ST6GALNAC1: variants seen among roughly 807,000 people sequenced by gnomAD.
ST6GALNAC1 encodes the protein ST6 N-acetylgalactosaminide alpha-2,6-sialyltransferase 1, also known as alpha-N-acetylgalactosaminide alpha-2,6-sialyltransferase 1.
ST6GALNAC1 carries 45 observed loss-of-function variants against 56.8 expected under a neutral mutation model. That is an observed-to-expected ratio of 0.79 (90% confidence interval 0.62 to 1.02). The LOEUF is 1.02. ST6GALNAC1 is among the 50% of genes least tolerant of loss of function. The pLI, the probability that ST6GALNAC1 is intolerant of heterozygous loss-of-function variation, is 0.00. For synonymous variants in ST6GALNAC1, 295 were observed against 297.8 expected, an observed-to-expected ratio of 0.99 and a Z score of 0.10; for missense variants, 743 against 754.8, an observed-to-expected ratio of 0.98 and a Z score of 0.18.
At chr17:76,630,586 C>CT (rs201145440) in intron 1 of ST6GALNAC1, among the ~76,000 whole-genome samples, 1,399 of 137,378 alleles carry the variant, frequency 0.01, 35 homozygotes, top group African/African-American at 0.029. Flanking sequence ...TGAAACCCTT[C>CT]TTTTTTTTTT....
chr17:76,638,479 C>T lies in ST6GALNAC1; in HGVS notation c.131+5029G>A, dbSNP rs751782150. 1.6e-4 allele frequency among the ~76,000 whole-genome samples: 24 copies of T among 151,930 alleles called. 1 individual carries two copies. Among genetic ancestry groups the T allele is most frequent in the Admixed American group, 1.5e-3 (23 of 15,268 alleles). On this transcript the variant is annotated intron_variant, in intron 1 of 8. Transcript: ENST00000156626. ...GCAACCTCTGCCTCCCGAGTTCAAG[C>T]GATTCTCCTGTGATAAAAGCGATAA...
chr17:76,618,019 G>A, the ST6GALNAC1 span, among the ~76,000 whole-genome samples: 1 of 152,186 alleles, frequency 6.6e-6, no homozygotes, highest in Non-Finnish European at 1.5e-5. Context: ...AGGCAAGAGT[G>A]GCTTGTTCCA....
chr17:76,621,694 C>G (rs1382094080), downstream of ST6GALNAC1, among the ~76,000 whole-genome samples: 1 of 151,994 alleles, frequency 6.6e-6, no homozygotes, highest in Non-Finnish European at 1.5e-5. Context: ...AGGCTAGTCT[C>G]GAACTCCTGA....
downstream of ST6GALNAC1, among the ~76,000 whole-genome samples, chr17:76,619,964 G>A (rs186144626): frequency 2.7e-3 from 416 of 151,992 alleles, 8 homozygotes; most frequent in Middle Eastern, 0.024. Context: ...GGCTGGTCTC[G>A]AACTCCTGAC....
At chr17:76,637,237 T>C (rs1598305665) in intron 1 of ST6GALNAC1, among the ~76,000 whole-genome samples, 1 of 93,960 alleles carries the variant, frequency 1.1e-5, no homozygotes, top group African/African-American at 4.3e-5. Flanking sequence ...CAAATCCCCC[T>C]CTCCGAGAAA....
chr17:76,633,431 AC>A (rs1422659924), intron 1 of ST6GALNAC1, among the ~76,000 whole-genome samples: 4 of 152,156 alleles, frequency 2.6e-5, no homozygotes, highest in Non-Finnish European at 5.9e-5. Flanking sequence ...AATCGCTTGA[AC>A]CTGGAAGGCG....
Position 76,626,302 on chromosome 17 carries a change from G to C in ST6GALNAC1, c.1402C>G (p.Leu468Val), listed in dbSNP as rs749372087. 6.2e-7 allele frequency: 1 copy of C among 1,614,136 alleles called. No individual in the cohort carries two copies. The highest frequency in any genetic ancestry group is 2.2e-5 in the East Asian group (1 of 44,880). The change falls in exon 6 of 9, where the codon CTT becomes GTT. Residue 468 changes from leucine (L) to valine (V), a missense_variant. Leu to Val is a conservative substitution (Grantham distance 32). Coordinates refer to ENST00000156626, the MANE Select transcript of ST6GALNAC1 (RefSeq NM_018414.5). Reference sequence around the variant, plus strand: ...GACAGTGGGTACCTGAACCAGAAAAGGTTTTTTGACATCACCGTCTGATTC... The same window carrying C: ...GACAGTGGGTACCTGAACCAGAAAACGTTTTTTGACATCACCGTCTGATTC... ...LMNQTVMSKNLFWFRHRPQEA... is the reference protein window; with the variant it reads ...LMNQTVMSKNVFWFRHRPQEA...
chr17:76,619,755 T>G, the ST6GALNAC1 span, among the ~76,000 whole-genome samples: 2 of 148,398 alleles, frequency 1.3e-5, no homozygotes, highest in African/African-American at 5.0e-5. Flanking sequence ...TTTTTTTTTT[T>G]TTTTTTTTTA....
intron 1 of ST6GALNAC1, among the ~76,000 whole-genome samples, chr17:76,631,067 G>C (rs1161553157): frequency 1.7e-4 from 1 of 5,958 alleles, no homozygotes; most frequent in Non-Finnish European, 3.6e-4. Flanking sequence ...GCTAATCTCT[G>C]TGTGTGTGTG....
At chr17:76,624,320 G>A (rs2075768570), downstream of ST6GALNAC1, among the ~76,000 whole-genome samples, 1 of 151,924 alleles carries the variant, frequency 6.6e-6, no homozygotes, top group African/African-American at 2.4e-5. Flanking sequence ...GTGTAATCTT[G>A]GCTCACTGCA....
In ST6GALNAC1 at chr17:76,629,711, C is replaced by T; in HGVS notation, c.132G>A (p.Arg44=). ...FIKEPQTKPS[R]HQRTENIKER... is the part of the protein sequence containing the mutation. ...CTTTAATGTTCTCTGTGCGTTGATG[C>T]CTAGGGACAGAGATAACCTTTGATG... Residue 44 remains arginine (R), a splice_region_variant and synonymous_variant, in exon 2 of 9, where the codon AGG becomes AGA. Transcript: ENST00000156626. 6.2e-7 allele frequency: 1 copy of T among 1,609,876 alleles called. No homozygotes were observed. The highest frequency in any genetic ancestry group is 8.5e-7 in the Non-Finnish European group (1 of 1,177,354).
At chr17:76,626,984 A>G in intron 4 of ST6GALNAC1, 83 bp downstream of exon 4, 1 of 1,466,188 alleles carries the variant, frequency 6.8e-7, no homozygotes, top group Non-Finnish European at 9.1e-7. Context: ...ATGTCTGCAG[A>G]AGAGGGGCAA....
downstream of ST6GALNAC1, among the ~76,000 whole-genome samples, chr17:76,620,393 A>G (rs1051031398): frequency 6.6e-6 from 1 of 151,972 alleles, no homozygotes; most frequent in African/African-American, 2.4e-5. Context: ...ATTTTTCCCC[A>G]TCCTGTTGAT....
intron 1 of ST6GALNAC1, among the ~76,000 whole-genome samples, chr17:76,631,109 G>A (rs920563313): frequency 1.3e-5 from 2 of 150,686 alleles, no homozygotes; most frequent in African/African-American, 2.4e-5. Context: ...ACGCGTGCGC[G>A]AGCACTTGTG....
At chr17:76,630,795 T>C (rs1342784793) in intron 1 of ST6GALNAC1, among the ~76,000 whole-genome samples, 6 of 151,694 alleles carry the variant, frequency 4.0e-5, no homozygotes, top group Non-Finnish European at 5.9e-5. Context: ...TTCACCATGT[T>C]GGCCAGAATG....
chr17:76,629,744 A>G, intron 1 of ST6GALNAC1, 33 bp from the exon 2 acceptor site: 1 of 1,534,026 alleles, frequency 6.5e-7, no homozygotes. Flanking sequence ...ATGAAGGCTG[A>G]AGATTGTGGA....
intron 8 of ST6GALNAC1, 120 bp downstream of exon 8, chr17:76,625,699 C>G: frequency 6.9e-6 from 8 of 1,153,950 alleles, no homozygotes; most frequent in Non-Finnish European, 9.7e-6. Context: ...ATACTCATGC[C>G]CACCCTCTTT....
downstream of ST6GALNAC1, among the ~76,000 whole-genome samples, chr17:76,622,298 T>C (rs1357934551): frequency 6.6e-6 from 1 of 151,546 alleles, no homozygotes; most frequent in Admixed American, 6.6e-5. Context: ...ATGTGGCAAA[T>C]ATTTTCTCCC....
Position 76,627,364 on chromosome 17 carries a change from T to TCTGCCCC in ST6GALNAC1, c.1000+44_1000+50dup. The TCTGCCCC allele has an allele frequency of 6.2e-7, 1 of 1,604,436 alleles. No individual in the cohort carries two copies. The highest frequency in any genetic ancestry group is 8.5e-7 in the Non-Finnish European group (1 of 1,174,578). ...CCAGAAAGCCAGCTGCCCTCTGCCC[T>TCTGCCCC]CTGCCCCGGCCTACTGCGCACCCAC... On this transcript the variant is annotated intron_variant, in intron 3 of 8. Transcript: ENST00000156626. This position sits in a 1 kb window ranked among gnomAD's most constrained non-coding sequence, Gnocchi z 4.4.
Sources: gnomAD v4.1 joint callset for allele counts (sites outside exome capture counted in the v4.1 genomes callset) on GRCh38, gnomAD v4.1.1 for gene constraint, Gnocchi (gnomAD v3.1) non-coding constraint, MANE v1.5 for transcripts, NCBI Gene and HGNC (gene_info 2026-07-23, HGNC 2026-07-21) for gene names.